IGSF10: variants seen among roughly 807,000 people sequenced by gnomAD.
IGSF10 encodes the protein calvaria mechanical force protein 608.
In IGSF10, 126 loss-of-function variants were observed where a neutral mutation model predicts 128.2. The observed-to-expected ratio is 0.98, with a 90% CI of 0.85 to 1.14. The LOEUF (loss-of-function observed/expected upper bound fraction) is 1.14. Ranked by LOEUF, IGSF10 falls within the 50% of genes most tolerant of loss-of-function variation. The probability of loss-of-function intolerance (pLI) is 0.00; values close to 1 mark genes in which losing one functional copy is unlikely to be tolerated. For synonymous variants in IGSF10, 1,185 were observed against 1,146.2 expected (o/e 1.03, Z -0.68); for missense variants, 3,295 against 3,149.8 (o/e 1.05, Z -1.10).
the IGSF10 span, among the ~76,000 whole-genome samples, chr3:151,606,122 A>AACATGCCACCTGTCTAAACATGCCACCT: frequency 6.6e-6 from 1 of 152,178 alleles, no homozygotes; most frequent in East Asian, 1.9e-4. Flanking sequence ...GTTGTCACTA[A>AACATGCCACCTGTCTAAACATGCCACCT]GTTCTGCCAC....
In IGSF10 at chr3:151,443,138, G is replaced by C. The variant is rs376533327; in HGVS notation, c.5809C>G (p.Arg1937Gly). 30 of 1,614,056 alleles carry C rather than the reference G, an allele frequency of 1.9e-5. No individual in the cohort carries two copies. Among genetic ancestry groups the C allele is most frequent in the Non-Finnish European group, 2.4e-5 (28 of 1,180,040 alleles). ...GCTTCTATCCTGGGGCTGGTCACTC[G>C]CTCTTCCATTGTAAGCATTACTACT... ...RRVVMLTMEE[R>G]VTSPRIEAAS... Residue 1937 changes from arginine to glycine, a missense_variant, in exon 7 of 8, where the codon CGA becomes GGA. Coordinates refer to ENST00000282466, the MANE Select transcript of IGSF10 (RefSeq NM_178822.5).
the IGSF10 span, among the ~76,000 whole-genome samples, chr3:151,572,055 TC>T: frequency 6.6e-6 from 1 of 152,214 alleles, no homozygotes; most frequent in African/African-American, 2.4e-5. Flanking sequence ...CAGCCTTGCA[TC>T]CCAGGGATGA....
chr3:151,505,811 G>T, the IGSF10 span, among the ~76,000 whole-genome samples: 1 of 152,230 alleles, frequency 6.6e-6, no homozygotes, highest in East Asian at 1.9e-4. Context: ...ATGATTAAGG[G>T]ACTAGTTGAT....
the IGSF10 span, among the ~76,000 whole-genome samples, chr3:151,471,912 C>T: frequency 3.9e-5 from 6 of 152,134 alleles, no homozygotes; most frequent in East Asian, 1.2e-3. Context: ...ATAAACAATG[C>T]AATGCATCTC....
upstream of IGSF10, chr3:151,461,225 T>C: frequency 1.0e-6 from 1 of 985,362 alleles, no homozygotes. Context: ...TCCCAGGGCT[T>C]TCTCCTAGCA....
the IGSF10 span, among the ~76,000 whole-genome samples, chr3:151,490,569 T>C: frequency 6.6e-6 from 1 of 151,844 alleles, no homozygotes; most frequent in Admixed American, 6.6e-5. Context: ...AACAGCAGAA[T>C]ATACTTTTTT....
the IGSF10 span, among the ~76,000 whole-genome samples, chr3:151,611,893 A>T: frequency 1.3e-5 from 2 of 152,178 alleles, no homozygotes; most frequent in Non-Finnish European, 2.9e-5. Context: ...TTGACCAAGA[A>T]CTATGTACGA....
chr3:151,609,529 A>G, the IGSF10 span, among the ~76,000 whole-genome samples: 1 of 152,126 alleles, frequency 6.6e-6, no homozygotes, highest in Admixed American at 6.5e-5. Context: ...TTCCACAAAA[A>G]AAAAACACAT....
chr3:151,462,618 G>A (rs954863053), upstream of IGSF10, among the ~76,000 whole-genome samples: 1 of 152,192 alleles, frequency 6.6e-6, no homozygotes, highest in African/African-American at 2.4e-5. Flanking sequence ...TCAAACTCAG[G>A]CAGTCTTGCC....
the IGSF10 span, among the ~76,000 whole-genome samples, chr3:151,545,101 T>A: frequency 6.6e-6 from 1 of 152,246 alleles, no homozygotes; most frequent in South Asian, 2.1e-4. Flanking sequence ...CTGTAATATA[T>A]CCTTTAATCT....
At chr3:151,469,457 C>T in the IGSF10 span, among the ~76,000 whole-genome samples, 9 of 152,296 alleles carry the variant, frequency 5.9e-5, no homozygotes, top group African/African-American at 2.2e-4. Flanking sequence ...GATGCTGCTC[C>T]AGTAAACTTG....
chr3:151,483,675 G>A, the IGSF10 span, among the ~76,000 whole-genome samples: 1 of 152,210 alleles, frequency 6.6e-6, no homozygotes, highest in East Asian at 1.9e-4. Flanking sequence ...ACTGAAGCAG[G>A]GTGGGGCATT....
the IGSF10 span, among the ~76,000 whole-genome samples, chr3:151,583,282 T>C: frequency 1.3e-5 from 2 of 152,182 alleles, no homozygotes; most frequent in Non-Finnish European, 2.9e-5. Context: ...TGAATACCCA[T>C]ACAATTGCAT....
At chr3:151,618,753 T>A in the IGSF10 span, among the ~76,000 whole-genome samples, 4 of 145,546 alleles carry the variant, frequency 2.7e-5, no homozygotes, top group African/African-American at 1.0e-4. Flanking sequence ...AAATAAAAAA[T>A]AAATAAATAA....
the IGSF10 span, among the ~76,000 whole-genome samples, chr3:151,571,049 G>A: frequency 7.9e-5 from 12 of 152,290 alleles, no homozygotes; most frequent in African/African-American, 2.6e-4. Flanking sequence ...GGTTGTAGAT[G>A]TGTGGTGTTA....
the IGSF10 span, among the ~76,000 whole-genome samples, chr3:151,524,958 A>G: frequency 1.4e-5 from 2 of 143,938 alleles, no homozygotes; most frequent in Admixed American, 1.4e-4. Context: ...TATTGTCAAT[A>G]TGAAATAGAT....
the IGSF10 span, among the ~76,000 whole-genome samples, chr3:151,547,171 A>T: frequency 5.0e-4 from 76 of 152,168 alleles, no homozygotes; most frequent in Middle Eastern, 3.4e-3. Context: ...AAAAATAAGG[A>T]TTTAGTTCCC....
chr3:151,573,426 T>C, the IGSF10 span, among the ~76,000 whole-genome samples: 1 of 152,218 alleles, frequency 6.6e-6, no homozygotes, highest in Admixed American at 6.5e-5. Context: ...ATTGGGTGCA[T>C]ATATATTTAG....
At chr3:151,512,915 A>G in the IGSF10 span, among the ~76,000 whole-genome samples, 1 of 152,242 alleles carries the variant, frequency 6.6e-6, no homozygotes, top group African/African-American at 2.4e-5. Flanking sequence ...CTAAACCAGG[A>G]AGAAGTTGAA....
Sources: allele counts gnomAD v4.1 joint callset (sites outside exome capture counted in the v4.1 genomes callset), GRCh38; gene constraint gnomAD v4.1.1; transcripts MANE v1.5; gene names NCBI Gene and HGNC (gene_info 2026-07-23, HGNC 2026-07-21).